The following OR51B5 variants were observed in gnomAD, a reference collection of about 807,000 sequenced individuals.
OR51B5 encodes olfactory receptor 51B5.
For missense variants in OR51B5, 456 were observed against 374.6 expected (o/e 1.22, Z -1.79); for synonymous variants, 186 against 144.8 (o/e 1.28, Z -2.04).
chr11:5,357,832 G>C (rs888576227), intron 1 of OR51B5, among the ~76,000 whole-genome samples: 5 of 151,488 alleles, frequency 3.3e-5, no homozygotes, highest in East Asian at 1.9e-4. Context: ...TCAGGATTAA[G>C]AAACTCACTC....
intron 1 of OR51B5, among the ~76,000 whole-genome samples, chr11:5,450,415 A>G (rs1850826670): frequency 6.6e-6 from 1 of 152,152 alleles, no homozygotes; most frequent in South Asian, 2.1e-4. Flanking sequence ...TAATTAATTA[A>G]TGAATAAAAA....
At chr11:5,489,482 T>C in intron 1 of OR51B5, 1 of 1,602,436 alleles carries the variant, frequency 6.2e-7, no homozygotes, top group Non-Finnish European at 8.5e-7. Flanking sequence ...ATCCCTGCCT[T>C]CTTCTCCTTC....
At chr11:5,416,447 A>T (rs1310778671) in intron 1 of OR51B5, among the ~76,000 whole-genome samples, 1 of 152,180 alleles carries the variant, frequency 6.6e-6, no homozygotes, top group African/African-American at 2.4e-5. Context: ...CAGGAAAAGG[A>T]AATAAAGAGT....
chr11:5,418,011 A>G (rs186296507), intron 1 of OR51B5, among the ~76,000 whole-genome samples: 136 of 85,724 alleles, frequency 1.6e-3, no homozygotes, highest in Non-Finnish European at 2.6e-3. Flanking sequence ...GAACCAACCC[A>G]AATGTCCAAT....
intron 1 of OR51B5, chr11:5,489,606 C>A (rs1851552426): frequency 2.5e-6 from 4 of 1,613,776 alleles, no homozygotes; most frequent in Admixed American, 3.3e-5. Flanking sequence ...GAGCTAGAAC[C>A]AAGGAGATTC....
chr11:5,349,818 C>T (rs981106746), intron 1 of OR51B5, among the ~76,000 whole-genome samples: 10 of 152,072 alleles, frequency 6.6e-5, no homozygotes, highest in Admixed American at 1.3e-4. Context: ...TCCCAATGCC[C>T]CAGGCTCAAC....
rs10636129 is a variant in OR51B5, at chr11:5,418,877, T to TA, written n.85-71968dup. On this transcript the variant is annotated intron_variant and non_coding_transcript_variant, in intron 1 of 4. Coordinates refer to the OR51B5 transcript ENST00000415970. ...ATGTACCCCAGAACTTGAAGTATTA[T>TA]AAAAAAAAAAAAAGCATCATCTGGT... 1.5e-3 allele frequency among the ~76,000 whole-genome samples: 194 copies of TA among 133,640 alleles called. 7 individuals carry two copies. Among genetic ancestry groups the TA allele is most frequent in the African/African-American group, 3.5e-3 (125 of 36,204 alleles). 87.7% of individuals were successfully genotyped at this position (133,640 alleles called of 152,430 possible).
chr11:5,453,473 C>A, intron 1 of OR51B5: 1 of 1,503,968 alleles, frequency 6.6e-7, no homozygotes, highest in Non-Finnish European at 8.9e-7. Flanking sequence ...GAAAAGTACC[C>A]TAAGTTTGTT....
chr11:5,390,443 G>A lies in OR51B5; in HGVS notation n.85-43533C>T, dbSNP rs1849779044. 2.6e-5 allele frequency: 35 copies of A among 1,361,118 alleles called. No homozygotes were observed. In the South Asian group the frequency reaches 4.6e-4, roughly 18 times the overall value. 84.3% of individuals were successfully genotyped at this position (1,361,118 alleles called of 1,614,324 possible). ...GGCCCCAAATTGGACTGAAAATTTG[G>A]AGTATTGAGTATATAGCATGCTCTT... On this transcript the variant is annotated intron_variant and non_coding_transcript_variant, in intron 1 of 4. Coordinates refer to the OR51B5 transcript ENST00000415970.
chr11:5,402,351 A>G (rs1394772593), intron 1 of OR51B5, among the ~76,000 whole-genome samples: 1 of 152,166 alleles, frequency 6.6e-6, no homozygotes, highest in Non-Finnish European at 1.5e-5. Context: ...AATGTAATAT[A>G]ATTTTCTAGA....
intron 1 of OR51B5, among the ~76,000 whole-genome samples, chr11:5,421,136 G>A (rs888356542): frequency 2.6e-5 from 4 of 152,192 alleles, no homozygotes; most frequent in Non-Finnish European, 5.9e-5. Flanking sequence ...AGGACACCAG[G>A]GGCAGCAAAG....
At chr11:5,382,205 G>C (rs1849618478) in intron 1 of OR51B5, among the ~76,000 whole-genome samples, 1 of 152,088 alleles carries the variant, frequency 6.6e-6, no homozygotes, top group South Asian at 2.1e-4. Context: ...TGTTATATTT[G>C]ATCACCGGAA....
chr11:5,440,735 GA>G (rs760255805), intron 1 of OR51B5: 1 of 1,614,018 alleles, frequency 6.2e-7, no homozygotes, highest in East Asian at 2.2e-5. Context: ...GAATCATGGA[GA>G]CAGCAATTAT....
chr11:5,479,398 T>C (rs982053712), intron 1 of OR51B5, among the ~76,000 whole-genome samples: 25 of 151,466 alleles, frequency 1.7e-4, no homozygotes, highest in African/African-American at 5.8e-4. Context: ...TACCAGCTGC[T>C]GCAAAATCAT....
chr11:5,422,516 C>T, intron 1 of OR51B5: 14 of 1,614,124 alleles, frequency 8.7e-6, no homozygotes, highest in Non-Finnish European at 1.1e-5. Context: ...GTTTTTCTTC[C>T]TTCATGGATT....
At chr11:5,474,499 T>C (rs985377497) in intron 1 of OR51B5, among the ~76,000 whole-genome samples, 2 of 12,814 alleles carry the variant, frequency 1.6e-4, no homozygotes, top group African/African-American at 3.3e-4. Context: ...AACCAATTAA[T>C]AAATTGTTTT....
chr11:5,486,549 A>T (rs1851502152), intron 1 of OR51B5, among the ~76,000 whole-genome samples: 1 of 152,174 alleles, frequency 6.6e-6, no homozygotes, highest in African/African-American at 2.4e-5. Flanking sequence ...CACTTCTGAG[A>T]TTGAGCAGCC....
At chr11:5,429,450 T>C (rs961599641) in intron 1 of OR51B5, among the ~76,000 whole-genome samples, 1 of 152,104 alleles carries the variant, frequency 6.6e-6, no homozygotes, top group Admixed American at 6.5e-5. Flanking sequence ...GTGAGGACAA[T>C]ATTTTCATTG....
chr11:5,461,166 C>T (rs1431133536), intron 1 of OR51B5, among the ~76,000 whole-genome samples: 2 of 152,182 alleles, frequency 1.3e-5, no homozygotes, highest in East Asian at 3.9e-4. Flanking sequence ...CTGGTGAGTG[C>T]ATGCCAATGG....
Sources: allele counts gnomAD v4.1 joint callset (sites outside exome capture counted in the v4.1 genomes callset), GRCh38; gene constraint gnomAD v4.1.1; transcripts MANE v1.5; gene names NCBI Gene and HGNC (gene_info 2026-07-23, HGNC 2026-07-21).